Variants in DOCK4 observed in about 807,000 individuals in gnomAD.
DOCK4 encodes dedicator of cytokinesis protein 4.
A neutral mutation model predicts 268.1 loss-of-function variants in DOCK4; 97 were observed. The observed-to-expected ratio is 0.36, with a 90% CI of 0.31 to 0.43. DOCK4 has a LOEUF of 0.43. DOCK4 is among the 20% of genes least tolerant of loss of function. The pLI, the probability that DOCK4 is intolerant of heterozygous loss-of-function variation, is 1.00. For synonymous variants in DOCK4, 954 were observed against 887.2 expected (o/e 1.08, Z -1.34); for missense variants, 2,145 against 2,455.7 (o/e 0.87, Z 2.67).
chr7:111,759,623 T>TAACA (rs1797251082), intron 40 of DOCK4, among the ~76,000 whole-genome samples: 1 of 152,120 alleles, frequency 6.6e-6, no homozygotes, highest in African/African-American at 2.4e-5. Context: ...CCTTTGTCTC[T>TAACA]AACACCTATA....
At chr7:111,878,224 C>A (rs1357521001) in intron 16 of DOCK4, among the ~76,000 whole-genome samples, 3 of 152,166 alleles carry the variant, frequency 2.0e-5, no homozygotes, top group Non-Finnish European at 2.9e-5. Flanking sequence ...AAATAGATAG[C>A]CAGATGCAAC....
At chr7:111,765,779 G>C (rs1300917449) in intron 38 of DOCK4, among the ~76,000 whole-genome samples, 1 of 152,202 alleles carries the variant, frequency 6.6e-6, no homozygotes, top group African/African-American at 2.4e-5. Flanking sequence ...AGTGCAAAGT[G>C]CTGTCTGGGC....
chr7:112,043,564 A>G (rs1054770954), intron 1 of DOCK4, among the ~76,000 whole-genome samples: 1 of 151,902 alleles, frequency 6.6e-6, no homozygotes, highest in African/African-American at 2.4e-5. Flanking sequence ...ATGAATGTTA[A>G]TGAAAAAGGC....
Position 111,790,479 on chromosome 7 carries a change from C to T in DOCK4, c.3293G>A (p.Arg1098Lys), listed in dbSNP as rs540248146. ...IFHDMMDWEQRRSGNFKQVEA... is the reference protein window; with the variant it reads ...IFHDMMDWEQKRSGNFKQVEA... ...TACCTGTTTAAAGTTGCCACTCCGC[C>T]TCTGCTCCCAGTCCATCATATCATG... is the stretch of plus-strand genomic sequence containing the variant. The change falls in exon 31 of 53, where the codon AGG becomes AAG. Residue 1098 changes from arginine to lysine, a missense_variant. Around this residue, in one of 2 missense-constraint regions of DOCK4, gnomAD observed 1,598 missense variants for 1,986.7 expected, o/e 0.80. Transcript: ENST00000428084. 1.9e-6 allele frequency: 3 copies of T among 1,613,910 alleles called. No individual in the cohort carries two copies. Among genetic ancestry groups the T allele is most frequent in the Middle Eastern group, 1.7e-4 (1 of 6,060 alleles).
chr7:111,958,486 G>A (rs1379527339), intron 8 of DOCK4, among the ~76,000 whole-genome samples: 1 of 152,112 alleles, frequency 6.6e-6, no homozygotes, highest in East Asian at 1.9e-4. Flanking sequence ...GAGATGACCC[G>A]AATCCTAGTG....
intron 1 of DOCK4, among the ~76,000 whole-genome samples, chr7:112,169,019 A>G (rs1287384828): frequency 6.6e-6 from 1 of 152,188 alleles, no homozygotes; most frequent in Non-Finnish European, 1.5e-5. Context: ...TGGAACTGTA[A>G]TCCCCAATGT....
At chr7:111,867,087 A>G (rs970454720) in intron 22 of DOCK4, among the ~76,000 whole-genome samples, 2 of 152,220 alleles carry the variant, frequency 1.3e-5, no homozygotes, top group South Asian at 2.1e-4. Context: ...ACCTCTATAA[A>G]GAAGAGAGGA....
intron 52 of DOCK4, among the ~76,000 whole-genome samples, chr7:111,730,864 T>TAAGA (rs1225505306): frequency 6.6e-6 from 1 of 152,246 alleles, no homozygotes; most frequent in Non-Finnish European, 1.5e-5. Context: ...ACCAGCTTGC[T>TAAGA]AAGACTATTT....
intron 49 of DOCK4, among the ~76,000 whole-genome samples, chr7:111,738,540 T>C (rs991145349): frequency 6.6e-6 from 1 of 152,130 alleles, no homozygotes; most frequent in African/African-American, 2.4e-5. Context: ...CCCAACTACT[T>C]TGCATAATGT....
At chr7:112,066,704 T>TATATATATAC (rs1807070354) in intron 1 of DOCK4, among the ~76,000 whole-genome samples, 5 of 52,080 alleles carry the variant, frequency 9.6e-5, no homozygotes, top group Admixed American at 4.7e-4. Flanking sequence ...TATATATATA[T>TATATATATAC]ATATATATAT....
At position 111,811,953 on chromosome 7, in the gene DOCK4, G is replaced by A. The variant is rs1435923996; in HGVS notation, c.2931-4C>T. ...TAGAACTGTTGTAATAATAACACTA[G>A]TGATAAAAAAAATGACAAGGTGAAA... On this transcript the variant is annotated splice_region_variant and splice_polypyrimidine_tract_variant and intron_variant, in intron 27 of 52. Transcript: ENST00000428084. 9.6e-6 allele frequency: 14 copies of A among 1,463,040 alleles called. No individual in the cohort carries two copies. The Middle Eastern group carries it at 5.3e-4, about 55-fold the overall frequency. The allele number at this position is 1,463,040 out of a possible 1,614,324, so 90.6% of individuals were successfully genotyped here.
At chr7:112,124,267 T>C (rs1813016749) in intron 1 of DOCK4, among the ~76,000 whole-genome samples, 1 of 152,190 alleles carries the variant, frequency 6.6e-6, no homozygotes, top group South Asian at 2.1e-4. Context: ...GCGATCCTCC[T>C]GACTTGTCCT....
chr7:111,787,426 T>C (rs1799246528), intron 32 of DOCK4, among the ~76,000 whole-genome samples: 1 of 152,284 alleles, frequency 6.6e-6, no homozygotes, highest in Admixed American at 6.5e-5. Context: ...TGAATAATTA[T>C]GAAAACCTCT....
chr7:111,941,918 C>A (rs1442490444), intron 10 of DOCK4, among the ~76,000 whole-genome samples: 1 of 152,224 alleles, frequency 6.6e-6, no homozygotes, highest in Non-Finnish European at 1.5e-5. Flanking sequence ...GGAAGCTTAT[C>A]TCCCAAACCT....
In DOCK4 at chr7:111,815,813, A is replaced by G. The variant is rs534682938; in HGVS notation, c.2931-3864T>C. ...CAGCCTCCCAAGTAGCTGGGATTACAGGTGCCCGCCACTGCGCCAGCTAAT... is the reference window on the plus strand; with the variant it reads ...CAGCCTCCCAAGTAGCTGGGATTACGGGTGCCCGCCACTGCGCCAGCTAAT... On this transcript the variant is annotated intron_variant, in intron 27 of 52. Coordinates refer to ENST00000428084, the MANE Select transcript of DOCK4 (RefSeq NM_001363540.2). 5.2e-4 allele frequency among the ~76,000 whole-genome samples: 78 copies of G among 151,250 alleles called. 1 individual carries two copies. In the South Asian group the frequency reaches 0.016, roughly 31 times the overall value.
intron 39 of DOCK4, among the ~76,000 whole-genome samples, chr7:111,760,739 TG>T (rs1797344080): frequency 1.2e-3 from 4 of 3,350 alleles, no homozygotes; most frequent in Admixed American, 2.7e-3. Flanking sequence ...GTCTGCTTTT[TG>T]TGTGTGTGTG....
At chr7:112,006,435 C>A (rs114706519) in intron 1 of DOCK4, among the ~76,000 whole-genome samples, 1,601 of 152,292 alleles carry the variant, frequency 0.011, 28 homozygotes, top group African/African-American at 0.036. Flanking sequence ...CTCATTCTTT[C>A]ATAGGAGTTG....
At chr7:111,839,912 C>G (rs1393767160) in intron 25 of DOCK4, among the ~76,000 whole-genome samples, 1 of 152,048 alleles carries the variant, frequency 6.6e-6, no homozygotes, top group Non-Finnish European at 1.5e-5. Context: ...CTTCCAATTA[C>G]TAATGTATAT....
intron 15 of DOCK4, among the ~76,000 whole-genome samples, chr7:111,896,868 G>A (rs1043230201): frequency 5.3e-5 from 8 of 151,956 alleles, no homozygotes; most frequent in Admixed American, 2.0e-4. Flanking sequence ...TTATAGCAAA[G>A]GACTTTCTTT....
Sources: allele counts gnomAD v4.1 joint callset (sites outside exome capture counted in the v4.1 genomes callset), GRCh38; gene constraint gnomAD v4.1.1; regional missense constraint gnomAD v4.1.1; transcripts MANE v1.5; gene names NCBI Gene and HGNC (gene_info 2026-07-23, HGNC 2026-07-21).